SIPA1L1: variants seen among roughly 807,000 people sequenced by gnomAD.
The protein encoded by SIPA1L1 is signal induced proliferation associated 1 like 1.
Under a neutral mutation model 162.7 loss-of-function variants are expected in SIPA1L1, and 26 were observed. The observed-to-expected ratio is 0.16, with a 90% CI of 0.12 to 0.22. The LOEUF (loss-of-function observed/expected upper bound fraction) is 0.22, where lower values mean the gene tolerates loss of function less well. Among genes scored for constraint, SIPA1L1 ranks in the 10% least tolerant of loss-of-function variants. The pLI, the probability that SIPA1L1 is intolerant of heterozygous loss-of-function variation, is 1.00. For missense variants in SIPA1L1, 1,874 were observed against 2,241.0 expected, an observed-to-expected ratio of 0.84 and a Z score of 3.31; for synonymous variants, 829 against 837.4, an observed-to-expected ratio of 0.99 and a Z score of 0.17.
intron 4 of SIPA1L1, among the ~76,000 whole-genome samples, chr14:71,570,111 T>G (rs1426786748): frequency 6.6e-6 from 1 of 152,162 alleles, no homozygotes; most frequent in Non-Finnish European, 1.5e-5. Context: ...AGTCATAGTG[T>G]TTTCCCCTCT....
At chr14:71,477,996 G>T (rs1416065692) in intron 2 of SIPA1L1, among the ~76,000 whole-genome samples, 1 of 152,116 alleles carries the variant, frequency 6.6e-6, no homozygotes, top group African/African-American at 2.4e-5. Context: ...AGTTTCAGAT[G>T]CATGGCATCC....
At chr14:71,545,754 CA>C (rs2055131011) in intron 4 of SIPA1L1, among the ~76,000 whole-genome samples, 1 of 152,100 alleles carries the variant, frequency 6.6e-6, no homozygotes, top group Non-Finnish European at 1.5e-5. Context: ...TGAAAATGGA[CA>C]TCTTGCATTA....
At position 71,740,428 on chromosome 14, in the gene SIPA1L1, G is replaced by A. The variant is rs898395552; in HGVS notation, c.*1267G>A. 2 of 152,226 alleles carry A rather than the reference G, an allele frequency of 1.3e-5. No individual in the cohort carries two copies. Among genetic ancestry groups the A allele is most frequent in the African/African-American group, 4.8e-5 (2 of 41,446 alleles). 9.4% of individuals were successfully genotyped at this position (152,226 alleles called of 1,614,324 possible). A position where few individuals can be genotyped will look rare whatever the true frequency, so the allele number is the denominator to read the frequency against. On this transcript the variant is annotated 3_prime_UTR_variant, in exon 24 of 24. Coordinates refer to ENST00000381232, the MANE Select transcript of SIPA1L1 (RefSeq NM_001386936.1). Reference sequence around the variant, plus strand: ...CTGCTGTAGAGCACAGAGACATGGGGCTGGCCAGTGTTGACTGACCTGAGG... The same window carrying A: ...CTGCTGTAGAGCACAGAGACATGGGACTGGCCAGTGTTGACTGACCTGAGG...
At chr14:71,527,293 G>A (rs567438402) in intron 3 of SIPA1L1, among the ~76,000 whole-genome samples, 3 of 151,716 alleles carry the variant, frequency 2.0e-5, no homozygotes, top group Non-Finnish European at 2.9e-5. Flanking sequence ...GACTATAGGC[G>A]CACACCACCA....
chr14:71,393,942 A>T (rs959324069), intron 2 of SIPA1L1, among the ~76,000 whole-genome samples: 1 of 152,234 alleles, frequency 6.6e-6, no homozygotes, highest in Non-Finnish European at 1.5e-5. Context: ...ATTGATGTCT[A>T]CTAGAAAGTC....
intron 2 of SIPA1L1, among the ~76,000 whole-genome samples, chr14:71,473,549 T>C (rs2047628128): frequency 6.6e-6 from 1 of 152,200 alleles, no homozygotes; most frequent in African/African-American, 2.4e-5. Context: ...TTTTTTCTTC[T>C]GTAAAGTTAG....
Position 71,730,122 on chromosome 14 carries a change from G to A in SIPA1L1, c.4682G>A (p.Arg1561Lys). The A allele has an allele frequency of 1.9e-6, 3 of 1,614,118 alleles. No homozygotes were observed. Among genetic ancestry groups the A allele is most frequent in the East Asian group, 2.2e-5 (1 of 44,876 alleles). The change falls in exon 20 of 24, where the codon AGA becomes AAA. Residue 1561 changes from arginine to lysine, a missense_variant. Arg to Lys is a conservative substitution (Grantham distance 26). This residue lies in a region of SIPA1L1 where 936 missense variants were observed against 1,051.9 expected (regional missense o/e 0.89). Coordinates refer to ENST00000381232, the MANE Select transcript of SIPA1L1 (RefSeq NM_001386936.1). ...STPTSRRALH[R>K]TLSDESIYNS... Reference sequence around the variant, plus strand: ...CCCACCTCACGGCGGGCCTTGCACAGAACACTGTCGGACGAGAGCATTTAC... The same window carrying A: ...CCCACCTCACGGCGGGCCTTGCACAAAACACTGTCGGACGAGAGCATTTAC...
chr14:71,371,461 C>T (rs1472162858), intron 2 of SIPA1L1, among the ~76,000 whole-genome samples: 3 of 152,264 alleles, frequency 2.0e-5, no homozygotes, highest in African/African-American at 7.2e-5. Context: ...GATCTCAGCT[C>T]ACTGCATCCT....
chr14:71,460,994 C>T (rs2046561404), intron 2 of SIPA1L1, among the ~76,000 whole-genome samples: 1 of 152,314 alleles, frequency 6.6e-6, no homozygotes, highest in Non-Finnish European at 1.5e-5. Context: ...CACTGTCGCA[C>T]TTTGTTAGCT....
intron 5 of SIPA1L1, among the ~76,000 whole-genome samples, chr14:71,609,048 T>C (rs2037872894): frequency 6.6e-6 from 1 of 152,212 alleles, no homozygotes; most frequent in Non-Finnish European, 1.5e-5. Context: ...TGCATACTCC[T>C]TTTTAAAATA....
chr14:71,323,942 T>A (rs2033474573), intron 2 of SIPA1L1, among the ~76,000 whole-genome samples: 1 of 152,216 alleles, frequency 6.6e-6, no homozygotes, highest in African/African-American at 2.4e-5. Context: ...ATTTTTGAAT[T>A]TTAATATATT....
At chr14:71,544,357 CAT>C (rs576380865) in intron 4 of SIPA1L1, among the ~76,000 whole-genome samples, 18 of 150,786 alleles carry the variant, frequency 1.2e-4, no homozygotes, top group South Asian at 2.1e-4. Flanking sequence ...ATACATGTAT[CAT>C]ATGTGTATAT....
chr14:71,671,434 G>T lies in SIPA1L1; in HGVS notation c.2571G>T (p.Gly857=). 6.2e-7 allele frequency: 1 copy of T among 1,614,182 alleles called. No homozygotes were observed. Among genetic ancestry groups the T allele is most frequent in the South Asian group, 1.1e-5 (1 of 91,086 alleles). Residue 857 remains glycine, a synonymous_variant, in exon 11 of 24, where the codon GGG becomes GGT. Coordinates refer to ENST00000381232, the MANE Select transcript of SIPA1L1 (RefSeq NM_001386936.1). Reference sequence around the variant, plus strand: ...CAGGAGCCGAGCTCAGCAGCATGGGGGCCATTGTATGGGCAGTCCGGGCTG... The same window carrying T: ...CAGGAGCCGAGCTCAGCAGCATGGGTGCCATTGTATGGGCAGTCCGGGCTG... ...PYPGAELSSM[G]AIVWAVRAED... is the part of the protein sequence containing the mutation.
At chr14:71,734,225 G>A (rs1190004709) in intron 21 of SIPA1L1, among the ~76,000 whole-genome samples, 3 of 152,230 alleles carry the variant, frequency 2.0e-5, no homozygotes, top group South Asian at 4.1e-4. Context: ...CCCCTTTGCC[G>A]TTCTCCCTCA....
At chr14:71,593,777 G>C (rs1431113707) in intron 5 of SIPA1L1, among the ~76,000 whole-genome samples, 1 of 152,052 alleles carries the variant, frequency 6.6e-6, no homozygotes, top group Non-Finnish European at 1.5e-5. Context: ...GGAGCCCATG[G>C]GCTCTTGGCA....
At chr14:71,415,636 T>C (rs189105366) in intron 2 of SIPA1L1, among the ~76,000 whole-genome samples, 209 of 152,252 alleles carry the variant, frequency 1.4e-3, no homozygotes, top group South Asian at 8.5e-3. Flanking sequence ...ACTTTTTTTT[T>C]CCCTCCAGAA....
At chr14:71,449,480 T>C (rs2045655136) in intron 2 of SIPA1L1, among the ~76,000 whole-genome samples, 1 of 152,190 alleles carries the variant, frequency 6.6e-6, no homozygotes, top group Non-Finnish European at 1.5e-5. Context: ...TTCTTGTCTT[T>C]AAGATACAGC....
intron 13 of SIPA1L1, among the ~76,000 whole-genome samples, chr14:71,696,020 A>G (rs972358846): frequency 3.9e-5 from 6 of 152,146 alleles, no homozygotes; most frequent in African/African-American, 1.4e-4. Flanking sequence ...GTAAAGAGAA[A>G]CCCATGTTAT....
At chr14:71,397,655 C>A (rs2041316998) in intron 2 of SIPA1L1, among the ~76,000 whole-genome samples, 1 of 152,178 alleles carries the variant, frequency 6.6e-6, no homozygotes, top group Admixed American at 6.5e-5. Context: ...TCATGGAATC[C>A]TTCCAGCCTT....
Sources: allele counts gnomAD v4.1 joint callset (sites outside exome capture counted in the v4.1 genomes callset), GRCh38; gene constraint gnomAD v4.1.1; regional missense constraint gnomAD v4.1.1; transcripts MANE v1.5; gene names NCBI Gene and HGNC (gene_info 2026-07-23, HGNC 2026-07-21).